Variants in MYRIP observed in about 807,000 individuals in gnomAD.
MYRIP encodes myosin VIIA and Rab interacting protein, also known as rab effector MyRIP.
Under a neutral mutation model 98.0 loss-of-function variants are expected in MYRIP, and 49 were observed. The observed-to-expected ratio is 0.50, with a 90% confidence interval of 0.40 to 0.63. MYRIP has a LOEUF of 0.63. Ranked by LOEUF, MYRIP falls within the 30% of genes least tolerant of loss-of-function variation. The pLI, the probability that MYRIP is intolerant of heterozygous loss-of-function variation, is 0.00. For synonymous variants in MYRIP, 404 were observed against 409.5 expected, an observed-to-expected ratio of 0.99 and a Z score of 0.16; for missense variants, 1,004 against 1,058.2, an observed-to-expected ratio of 0.95 and a Z score of 0.71.
Position 39,986,374 on chromosome 3 carries a change from CA to C in MYRIP, c.111-57673del, listed in dbSNP as rs555975779. Among the ~76,000 whole-genome samples, 130 of 149,108 alleles carry C rather than the reference CA, an allele frequency of 8.7e-4. 1 individual carries two copies. Among genetic ancestry groups the C allele is most frequent in the African/African-American group, 3.1e-3 (119 of 38,674 alleles). ...TTACATTTATATATGAGAACATTAT[CA>C]AACATTTCTCTCTGTCTCTCTCTTT... On this transcript the variant is annotated intron_variant, in intron 2 of 16. Transcript: ENST00000302541.
At chr3:39,826,233 A>G (rs1012186155) in intron 1 of MYRIP, among the ~76,000 whole-genome samples, 12 of 150,490 alleles carry the variant, frequency 8.0e-5, no homozygotes, top group African/African-American at 1.2e-4. Context: ...TTGCTCTTCT[A>G]TTTTCTTGAG....
chr3:40,207,517 T>C (rs2125661599), intron 10 of MYRIP, among the ~76,000 whole-genome samples: 1 of 152,336 alleles, frequency 6.6e-6, no homozygotes, highest in Non-Finnish European at 1.5e-5. Context: ...TATTTTTCAT[T>C]TCTATGTCAT....
intron 8 of MYRIP, among the ~76,000 whole-genome samples, chr3:40,178,321 T>C (rs1176740006): frequency 6.6e-6 from 1 of 152,212 alleles, no homozygotes; most frequent in Non-Finnish European, 1.5e-5. Flanking sequence ...GTAACAAAAG[T>C]AACTGATGAT....
chr3:40,185,760 G>T (rs1175717990), intron 9 of MYRIP, among the ~76,000 whole-genome samples: 1 of 152,078 alleles, frequency 6.6e-6, no homozygotes, highest in Admixed American at 6.5e-5. Context: ...TTATAACATG[G>T]TCAACCCTAG....
chr3:40,072,409 G>A (rs141954077), intron 3 of MYRIP, among the ~76,000 whole-genome samples: 2,407 of 152,052 alleles, frequency 0.016, 27 homozygotes, highest in African/African-American at 0.03. Flanking sequence ...GTTTCACAAT[G>A]CTGCCCAGGC....
chr3:39,839,961 G>A (rs1376653022), intron 1 of MYRIP, among the ~76,000 whole-genome samples: 1 of 152,156 alleles, frequency 6.6e-6, no homozygotes, highest in Non-Finnish European at 1.5e-5. Flanking sequence ...ATTTGGGGTG[G>A]AGAGTTCAGT....
chr3:40,135,428 G>A (rs1949743011), intron 3 of MYRIP, among the ~76,000 whole-genome samples: 1 of 152,200 alleles, frequency 6.6e-6, no homozygotes, highest in Non-Finnish European at 1.5e-5. Context: ...GAAAGTGACG[G>A]GAAGAATGGA....
chr3:40,110,881 GGTGTGTGTGTGTGTGTGTGTGTGT>G (rs58040369), intron 3 of MYRIP, among the ~76,000 whole-genome samples: 2 of 147,804 alleles, frequency 1.4e-5, no homozygotes, highest in East Asian at 2.0e-4. Flanking sequence ...TTCATGAAGG[GGTGTGTGTGTGTGTGTGTGTGTGT>G]GTGTGTGTGT....
At chr3:39,933,147 T>G (rs1944578686) in intron 2 of MYRIP, among the ~76,000 whole-genome samples, 1 of 152,174 alleles carries the variant, frequency 6.6e-6, no homozygotes, top group East Asian at 1.9e-4. Context: ...AGCTAAGCAT[T>G]AAGAACCTTT....
At chr3:40,005,825 C>A (rs1946620696) in intron 2 of MYRIP, among the ~76,000 whole-genome samples, 1 of 152,082 alleles carries the variant, frequency 6.6e-6, no homozygotes, top group African/African-American at 2.4e-5. Flanking sequence ...GTGGAAAATA[C>A]ATTAAATAAA....
chr3:39,920,237 A>G (rs1309476041), intron 2 of MYRIP, among the ~76,000 whole-genome samples: 2 of 151,170 alleles, frequency 1.3e-5, no homozygotes, highest in African/African-American at 2.5e-5. Flanking sequence ...GAATTCCATA[A>G]TTATAGATAC....
rs1317436037 is a variant in MYRIP at position 40,258,536 on chromosome 3, A to G, written c.*370A>G. ...ATTCAGCTAGTATTCCATGTCAACA[A>G]TTTGTCCAAAGGAAAACTGCTGGAG... On this transcript the variant is annotated 3_prime_UTR_variant, in exon 17 of 17. Coordinates refer to ENST00000302541, the MANE Select transcript of MYRIP (RefSeq NM_015460.4). 8 of 217,244 alleles carry G rather than the reference A, an allele frequency of 3.7e-5. No individual in the cohort carries two copies. Among genetic ancestry groups the G allele is most frequent in the Non-Finnish European group, 5.6e-5 (6 of 106,832 alleles). 13.5% of individuals were successfully genotyped at this position (217,244 alleles called of 1,614,324 possible).
At chr3:40,197,781 A>C (rs1272587970) in intron 10 of MYRIP, among the ~76,000 whole-genome samples, 1 of 152,184 alleles carries the variant, frequency 6.6e-6, no homozygotes, top group Non-Finnish European at 1.5e-5. Flanking sequence ...CTTCAGGCTA[A>C]CTTGTTTCCT....
At chr3:39,959,914 C>A (rs957801139) in intron 2 of MYRIP, among the ~76,000 whole-genome samples, 6 of 152,022 alleles carry the variant, frequency 3.9e-5, no homozygotes, top group African/African-American at 1.4e-4. Flanking sequence ...CAACTTAGTG[C>A]CCCCCATGTG....
At chr3:40,187,107 G>A (rs1457732704) in intron 9 of MYRIP, among the ~76,000 whole-genome samples, 1 of 152,208 alleles carries the variant, frequency 6.6e-6, no homozygotes, top group Non-Finnish European at 1.5e-5. Flanking sequence ...GTGCATGGGT[G>A]TTAATTCATA....
In MYRIP at chr3:40,246,161, A is replaced by G. The variant is rs148682420; in HGVS notation, c.2262+1554A>G. On this transcript the variant is annotated intron_variant, in intron 13 of 16. Transcript: ENST00000302541. Reference sequence around the variant, plus strand: ...AAGAAAATGACTGAAGTGAGTCTCAATCATTTTAGAGGGTTTTTTTTTCGG... The same window carrying G: ...AAGAAAATGACTGAAGTGAGTCTCAGTCATTTTAGAGGGTTTTTTTTTCGG... 4.1e-3 allele frequency among the ~76,000 whole-genome samples: 631 copies of G among 152,182 alleles called. 4 individuals are homozygous for G. The highest frequency in any genetic ancestry group is 6.6e-3 in the Admixed American group (101 of 15,282).
At chr3:39,941,583 T>C (rs1269447193) in intron 2 of MYRIP, among the ~76,000 whole-genome samples, 1 of 151,986 alleles carries the variant, frequency 6.6e-6, no homozygotes, top group Non-Finnish European at 1.5e-5. Context: ...CTATATATTC[T>C]ATACAGTTTT....
intron 3 of MYRIP, among the ~76,000 whole-genome samples, chr3:40,047,210 TG>T (rs1292665691): frequency 6.6e-6 from 1 of 152,230 alleles, no homozygotes; most frequent in East Asian, 1.9e-4. Flanking sequence ...AAGGCAGCAA[TG>T]GCTGCCAAGA....
chr3:39,866,350 T>C (rs1288875855), intron 1 of MYRIP, among the ~76,000 whole-genome samples: 1 of 151,980 alleles, frequency 6.6e-6, no homozygotes, highest in East Asian at 1.9e-4. Context: ...GTTAAAAAAA[T>C]AAGTGAATTC....
Sources: gnomAD v4.1 joint callset for allele counts (sites outside exome capture counted in the v4.1 genomes callset) on GRCh38, gnomAD v4.1.1 for gene constraint, MANE v1.5 for transcripts, NCBI Gene and HGNC (gene_info 2026-07-23, HGNC 2026-07-21) for gene names.